ZNF462: variants seen among roughly 807,000 people sequenced by gnomAD.
The protein encoded by ZNF462 is zinc finger PBX1-interacting protein.
In ZNF462, 10 loss-of-function variants were observed where a neutral mutation model predicts 201.9. The ratio of observed to expected loss-of-function variants is 0.05; its 90% CI spans 0.03 to 0.08. The LOEUF is 0.08. Ranked by LOEUF, ZNF462 falls within the 10% of genes least tolerant of loss-of-function variation. The pLI is 1.00. For missense variants in ZNF462, 2,523 were observed against 3,168.3 expected, an observed-to-expected ratio of 0.80 and a Z score of 4.89; for synonymous variants, 1,227 against 1,193.3, an observed-to-expected ratio of 1.03 and a Z score of -0.58.
upstream of ZNF462, among the ~76,000 whole-genome samples, chr9:106,862,847 CT>C (rs1339487995): frequency 1.3e-5 from 2 of 152,038 alleles, no homozygotes; most frequent in African/African-American, 4.8e-5. The surrounding 1 kb of genome is among the most constrained non-coding windows in gnomAD (Gnocchi z 4.2). Context: ...TTCTTTCTTT[CT>C]TTTTTTCCTT....
At position 106,932,556 on chromosome 9, in the gene ZNF462, G is replaced by A; in HGVS notation, c.6116+7G>A. On this transcript the variant is annotated splice_region_variant and intron_variant, in intron 5 of 12. Transcript: ENST00000277225. The surrounding 1 kb of genome is among the most constrained non-coding windows in gnomAD (Gnocchi z 6.8). ...TTTCTGCTTTCAGGCACAAGTAAGT[G>A]CTATTGGGGGGTCACTAGTGGTTAC... The A allele has an allele frequency of 1.2e-6, 2 of 1,614,222 alleles. No homozygotes were observed. The highest frequency in any genetic ancestry group is 2.2e-5 in the South Asian group (2 of 91,082).
intron 10 of ZNF462, among the ~76,000 whole-genome samples, chr9:106,990,695 C>T (rs12686587): frequency 0.11 from 16,638 of 151,968 alleles, 2,364 homozygotes; most frequent in African/African-American, 0.33. Flanking sequence ...ATTGCGACTT[C>T]CTGCATGCCT....
intron 10 of ZNF462, among the ~76,000 whole-genome samples, chr9:106,985,431 C>T (rs894152593): frequency 1.3e-5 from 2 of 152,102 alleles, no homozygotes; most frequent in South Asian, 4.2e-4. Flanking sequence ...GTTTGCCGAT[C>T]AGAGGGTAGA....
chr9:106,877,537 G>A (rs1337852661), intron 1 of ZNF462, among the ~76,000 whole-genome samples: 3 of 151,702 alleles, frequency 2.0e-5, no homozygotes, highest in African/African-American at 7.3e-5. Context: ...CTACAGGCAT[G>A]CACCACCATG....
At position 107,000,203 on chromosome 9, in the gene ZNF462, A is replaced by G. The variant is rs1588191698; in HGVS notation, c.7057-3091A>G. Among the ~76,000 whole-genome samples, 2 of 152,034 alleles carry G rather than the reference A, an allele frequency of 1.3e-5. 1 individual carries two copies. The highest frequency in any genetic ancestry group is 4.2e-4 in the South Asian group (2 of 4,804). ...CATATTCCAGGACCTCAGTAAGTTC[A>G]GGGTGGTGGGAGCAAGGGGGAGCCT... On this transcript the variant is annotated intron_variant, in intron 10 of 12. Transcript: ENST00000277225.
At chr9:106,967,506 CA>C (rs374137082) in intron 7 of ZNF462, among the ~76,000 whole-genome samples, 17 of 145,168 alleles carry the variant, frequency 1.2e-4, no homozygotes, top group East Asian at 4.0e-4. Flanking sequence ...CTGGAATTAG[CA>C]AAAAAAAAAG....
rs1829348680 is a variant in ZNF462 at position 107,003,580 on chromosome 9, C to T, written c.7189+154C>T. On this transcript the variant is annotated intron_variant, in intron 11 of 12. Coordinates refer to ENST00000277225, the MANE Select transcript of ZNF462 (RefSeq NM_021224.6). The surrounding 1 kb of genome is among the most constrained non-coding windows in gnomAD (Gnocchi z 4.4). ...ACTGACTTAGAAAACACATCAAGAG[C>T]TGTGTCTTTGTAAACTATTACCAGC... is the stretch of plus-strand genomic sequence containing the variant. Among the ~76,000 whole-genome samples, 1 of 152,126 alleles carries T rather than the reference C, an allele frequency of 6.6e-6. No homozygotes were observed. The highest frequency in any genetic ancestry group is 1.5e-5 in the Non-Finnish European group (1 of 68,020).
At position 106,926,868 on chromosome 9, in the gene ZNF462, A is replaced by G; in HGVS notation, c.2956A>G (p.Lys986Glu). Residue 986 changes from lysine (K) to glutamate (E), a missense_variant, in exon 3 of 13, where the codon AAG becomes GAG. Lys to Glu is a moderately conservative substitution (Grantham distance 56, BLOSUM62 1). Around this residue, in one of 15 missense-constraint regions of ZNF462, gnomAD observed 280 missense variants for 321.3 expected, o/e 0.87. Coordinates refer to ENST00000277225, the MANE Select transcript of ZNF462 (RefSeq NM_021224.6). The surrounding 1 kb of genome is among the most constrained non-coding windows in gnomAD (Gnocchi z 7.9). ...TLREILNSAP[K>E]NMATSTPVAR... ...GAGGGAGATTCTGAATTCGGCTCCC[A>G]AGAACATGGCGACTTCCACACCTGT... 1 of 1,614,178 alleles carries G rather than the reference A, an allele frequency of 6.2e-7. No individual in the cohort carries two copies. Among genetic ancestry groups the G allele is most frequent in the Non-Finnish European group, 8.5e-7 (1 of 1,180,034 alleles).
upstream of ZNF462, among the ~76,000 whole-genome samples, chr9:106,861,029 C>A (rs1329619323): frequency 1.3e-5 from 2 of 152,080 alleles, no homozygotes; most frequent in African/African-American, 4.8e-5. Context: ...TCTTCCCTCT[C>A]CTCGCCTTTC....
intron 1 of ZNF462, among the ~76,000 whole-genome samples, chr9:106,915,201 G>GTT (rs1373676014): frequency 3.6e-5 from 5 of 139,472 alleles, no homozygotes; most frequent in Admixed American, 7.2e-5. Flanking sequence ...ATTTCTGTAT[G>GTT]TTTTTTTTTT....
At chr9:106,958,700 A>G (rs1831690043) in intron 7 of ZNF462, among the ~76,000 whole-genome samples, 1 of 152,126 alleles carries the variant, frequency 6.6e-6, no homozygotes, top group Admixed American at 6.6e-5. Context: ...ATCCATGCAC[A>G]CTAAGAAATT....
rs774465788 is a variant in ZNF462 at position 107,013,254 on chromosome 9, C to T, written c.*2224C>T. 2 of 151,980 alleles carry T rather than the reference C, an allele frequency of 1.3e-5. No homozygotes were observed. The highest frequency in any genetic ancestry group is 2.9e-5 in the Non-Finnish European group (2 of 67,986). 9.4% of individuals were successfully genotyped at this position (151,980 alleles called of 1,614,324 possible). On this transcript the variant is annotated 3_prime_UTR_variant, in exon 13 of 13. Coordinates refer to ENST00000277225, the MANE Select transcript of ZNF462 (RefSeq NM_021224.6). ...AAATATGGGACCATTATCCTTTTAA[C>T]AAGGCTAGAATGTCATTTTTTTCTT...
At chr9:106,964,896 T>G (rs1252168703) in intron 7 of ZNF462, among the ~76,000 whole-genome samples, 1 of 152,086 alleles carries the variant, frequency 6.6e-6, no homozygotes, top group Non-Finnish European at 1.5e-5. Context: ...TGGATGGACC[T>G]GCTAAAGGAT....
chr9:106,863,165 C>A (rs1381595882), upstream of ZNF462: 1 of 398,686 alleles, frequency 2.5e-6, no homozygotes, highest in Non-Finnish European at 4.4e-6. Flanking sequence ...GCAGCTGCAG[C>A]GAGTCTGAGG....
Position 106,978,864 on chromosome 9 carries a change from C to T in ZNF462, c.6832+4591C>T. On this transcript the variant is annotated intron_variant, in intron 9 of 12. Transcript: ENST00000277225. This position sits in a 1 kb window ranked among gnomAD's most constrained non-coding sequence, Gnocchi z 4.1. Reference sequence around the variant, plus strand: ...AGATTTTGGACCAAGGACCTTGCCTCCTCAGTGATGTGGGATCTCATCATA... The same window carrying T: ...AGATTTTGGACCAAGGACCTTGCCTTCTCAGTGATGTGGGATCTCATCATA... The T allele has an allele frequency of 4.3e-6, 1 of 231,846 alleles. No individual in the cohort carries two copies. Among genetic ancestry groups the T allele is most frequent in the Non-Finnish European group, 8.3e-6 (1 of 120,470 alleles). The allele number at this position is 231,846 out of a possible 1,614,324, so 14.4% of individuals were successfully genotyped here. A position where few individuals can be genotyped will look rare whatever the true frequency, so the allele number is the denominator to read the frequency against.
At chr9:106,864,090 CTCTCTCTCTCTCTCTCTCT>C (rs1827203201) in intron 1 of ZNF462, among the ~76,000 whole-genome samples, 1 of 131,960 alleles carries the variant, frequency 7.6e-6, no homozygotes, top group African/African-American at 2.9e-5. Flanking sequence ...CTCTCTCTCT[CTCTCTCTCTCTCTCTCTCT>C]CCCTCTCCCC....
rs1482919372 is a variant in ZNF462 at position 106,880,867 on chromosome 9, T to C, written c.-31+17512T>C. ...TTTGACCTTTATACCTGTACGTTAC[T>C]CTGTACCTCGTGGGTTTAACTCTGA... is the stretch of plus-strand genomic sequence containing the variant. On this transcript the variant is annotated intron_variant, in intron 1 of 12. Coordinates refer to ENST00000277225, the MANE Select transcript of ZNF462 (RefSeq NM_021224.6). This position sits in a 1 kb window ranked among gnomAD's most constrained non-coding sequence, Gnocchi z 4.1. Among the ~76,000 whole-genome samples, 2 of 152,228 alleles carry C rather than the reference T, an allele frequency of 1.3e-5. No homozygotes were observed. Among genetic ancestry groups the C allele is most frequent in the African/African-American group, 2.4e-5 (1 of 41,458 alleles).
Position 106,927,471 on chromosome 9 carries a change from C to T in ZNF462, c.3559C>T (p.Pro1187Ser), listed in dbSNP as rs3814541. Residue 1187 changes from proline (P) to serine (S), a missense_variant, in exon 3 of 13, where the codon CCT becomes TCT. This residue lies in a region of ZNF462 where 222 missense variants were observed against 271.6 expected (regional missense o/e 0.82). Transcript: ENST00000277225. ...NRSSSERDGP[P>S]VENEMFFCQH... ...AAGCAGCTCTGAGAGAGATGGCCCT[C>T]CTGTGGAGAATGAGATGTTCTTTTG... 226,312 of 1,613,674 alleles carry T rather than the reference C, an allele frequency of 0.14. 16,637 individuals are homozygous for T. The highest frequency in any genetic ancestry group is 0.18 in the South Asian group (16,490 of 91,008).
At position 106,899,828 on chromosome 9, in the gene ZNF462, T is replaced by A. The variant is rs536076205; in HGVS notation, c.-30-23526T>A. The stretch of plus-strand genomic sequence containing the variant: ...AGATAGTGTGGCTTTTCTTTTTTTT[T>A]AATTTTAATTTTATTTAATTGTTTT... On this transcript the variant is annotated intron_variant, in intron 1 of 12. Coordinates refer to ENST00000277225, the MANE Select transcript of ZNF462 (RefSeq NM_021224.6). 1.1e-4 allele frequency among the ~76,000 whole-genome samples: 16 copies of A among 152,258 alleles called. No individual in the cohort carries two copies. The South Asian group carries it at 2.7e-3, about 26-fold the overall frequency.
Sources: allele counts gnomAD v4.1 joint callset (sites outside exome capture counted in the v4.1 genomes callset), GRCh38; gene constraint gnomAD v4.1.1; regional missense constraint gnomAD v4.1.1; non-coding constraint Gnocchi (gnomAD v3.1); transcripts MANE v1.5; gene names NCBI Gene and HGNC (gene_info 2026-07-23, HGNC 2026-07-21).